The following COA1 variants were observed in gnomAD, a reference collection of about 807,000 sequenced individuals.
COA1 encodes the protein cytochrome c oxidase assembly factor 1 homolog.
In COA1, 13 loss-of-function variants were observed where a neutral mutation model predicts 16.0. That is an observed-to-expected ratio of 0.81 (90% confidence interval 0.53 to 1.29). COA1 has a LOEUF of 1.29. Ranked by LOEUF, COA1 falls within the 50% of genes most tolerant of loss-of-function variation. COA1 has a pLI of 0.00. For missense variants in COA1, 179 were observed against 177.0 expected (o/e 1.01, Z -0.06); for synonymous variants, 65 against 65.7 (o/e 0.99, Z 0.05).
At chr7:43,624,378 A>C in intron 6 of COA1, 1 of 796,778 alleles carries the variant, frequency 1.3e-6, no homozygotes, top group South Asian at 2.2e-5. Context: ...CAAGACTAAT[A>C]GTTTTATTCA....
chr7:43,719,381 C>T (rs1485174367), intron 1 of COA1, among the ~76,000 whole-genome samples: 4 of 152,222 alleles, frequency 2.6e-5, no homozygotes, highest in Admixed American at 6.5e-5. Flanking sequence ...CCACTAATAG[C>T]CTCTAAGCCC....
At chr7:43,684,945 G>A (rs888824774) in intron 1 of COA1, among the ~76,000 whole-genome samples, 3 of 152,046 alleles carry the variant, frequency 2.0e-5, no homozygotes, top group African/African-American at 7.2e-5. Context: ...GAGAGTGAGA[G>A]ATTCTCTACC....
At chr7:43,626,517 CAGA>C (rs977658766) in intron 6 of COA1, 20 of 152,102 alleles carry the variant, frequency 1.3e-4, no homozygotes, top group African/African-American at 4.6e-4. Context: ...CTCCAAAATG[CAGA>C]AGAAGAAATT....
chr7:43,645,264 A>G lies in COA1; in HGVS notation c.251T>C (p.Ile84Thr). 6.2e-7 allele frequency: 1 copy of G among 1,613,938 alleles called. No homozygotes were observed. Among genetic ancestry groups the G allele is most frequent in the Non-Finnish European group, 8.5e-7 (1 of 1,179,922 alleles). ...KLIDRENFVD[I>T]VDAKLKIPVS... ...AAAGCACATTACCTTGGCATCAACA[A>G]TGTCCACGAAGTTTTCCCTGTCGAT... The change falls in exon 4 of 6, where the codon ATT becomes ACT. Residue 84 changes from isoleucine to threonine, a missense_variant. Ile to Thr is a moderately conservative substitution (Grantham distance 89). Coordinates refer to ENST00000223336, the MANE Select transcript of COA1 (RefSeq NM_018224.4).
At chr7:43,728,975 G>C (rs2095680884) in intron 1 of COA1, among the ~76,000 whole-genome samples, 1 of 152,166 alleles carries the variant, frequency 6.6e-6, no homozygotes, top group South Asian at 2.1e-4. Flanking sequence ...CTGTTGGGAG[G>C]GTTTTTCTGT....
At chr7:43,653,108 C>T (rs985733097) in intron 1 of COA1, among the ~76,000 whole-genome samples, 2 of 152,154 alleles carry the variant, frequency 1.3e-5, no homozygotes, top group Admixed American at 1.3e-4. Flanking sequence ...GTCAGGAGAT[C>T]GAGACCATCC....
At chr7:43,620,221 A>G (rs979563839) in intron 6 of COA1, among the ~76,000 whole-genome samples, 2 of 152,190 alleles carry the variant, frequency 1.3e-5, no homozygotes, top group African/African-American at 4.8e-5. Flanking sequence ...CTGAATGATG[A>G]TACTCCATGG....
intron 1 of COA1, 189 bp from the exon 2 acceptor site, chr7:43,648,841 A>C: frequency 1.9e-6 from 1 of 538,560 alleles, no homozygotes; most frequent in Admixed American, 3.2e-5. Context: ...AATTAGGAAG[A>C]AAAAACAAAG....
At position 43,644,771 on chromosome 7, in the gene COA1, C is replaced by T. The variant is rs1191345163; in HGVS notation, c.264+480G>A. Among the ~76,000 whole-genome samples the T allele has an allele frequency of 6.6e-3, 500 of 75,262 alleles. 6 individuals carry two copies. The highest frequency in any genetic ancestry group is 0.021 in the African/African-American group (452 of 21,966). The allele number at this position is 75,262 out of a possible 152,430, so 49.4% of individuals were successfully genotyped here. A position where few individuals can be genotyped will look rare whatever the true frequency, so the allele number is the denominator to read the frequency against. On this transcript the variant is annotated intron_variant, in intron 4 of 5. Coordinates refer to ENST00000223336, the MANE Select transcript of COA1 (RefSeq NM_018224.4). ...ATAGATAGATAGATAGGCAGGCAGG[C>T]AGGCAGGCAGGCAGGCAGGCAGAGA...
At chr7:43,657,081 CAG>C (rs1409273643) in intron 1 of COA1, 2 of 152,010 alleles carry the variant, frequency 1.3e-5, no homozygotes, top group East Asian at 3.8e-4. Context: ...CAGTCAAGAA[CAG>C]AGAATTTGAG....
chr7:43,724,189 T>C (rs998520426), intron 1 of COA1, among the ~76,000 whole-genome samples: 3 of 152,054 alleles, frequency 2.0e-5, no homozygotes, highest in Non-Finnish European at 4.4e-5. Context: ...ATACGGGCAG[T>C]TCCTCAAAAA....
rs1035432527 is a variant in COA1, at chr7:43,712,911, G to A, written c.-39+16518C>T. ...CATTGTCATTACATATATTTGAGGG[G>A]TACAATTTGAGGTTTAAATACATAT... On this transcript the variant is annotated intron_variant, in intron 1 of 5. Coordinates refer to ENST00000223336, the MANE Select transcript of COA1 (RefSeq NM_018224.4). Among the ~76,000 whole-genome samples the A allele has an allele frequency of 2.4e-4, 36 of 151,688 alleles. 1 individual carries two copies. The highest frequency in any genetic ancestry group is 3.4e-3 in the Middle Eastern group (1 of 292).
chr7:43,721,931 T>C (rs1263053104), intron 1 of COA1, among the ~76,000 whole-genome samples: 2 of 152,162 alleles, frequency 1.3e-5, no homozygotes. Context: ...AAGATTCTAA[T>C]GTAATACTGC....
chr7:43,709,434 TTGTG>T (rs59823123), intron 1 of COA1, among the ~76,000 whole-genome samples: 4,513 of 144,930 alleles, frequency 0.031, 119 homozygotes, highest in African/African-American at 0.068. Context: ...CTTTGTTTTA[TTGTG>T]TGTGTGTGTG....
intron 1 of COA1, among the ~76,000 whole-genome samples, chr7:43,725,472 G>A (rs1011643372): frequency 3.3e-5 from 5 of 152,110 alleles, no homozygotes; most frequent in African/African-American, 9.7e-5. Context: ...TGAAATCTTG[G>A]CCATTATATG....
chr7:43,623,570 A>G, intron 6 of COA1: 1 of 1,608,486 alleles, frequency 6.2e-7, no homozygotes, highest in Non-Finnish European at 8.5e-7. Context: ...TTCTGATACT[A>G]GCTCCTGAAA....
intron 5 of COA1, 29 bp from the exon 6 acceptor site, chr7:43,639,710 T>G: frequency 1.9e-6 from 3 of 1,568,178 alleles, no homozygotes; most frequent in Non-Finnish European, 2.6e-6. Flanking sequence ...ATAGTATCTC[T>G]AATCTATGAA....
intron 6 of COA1, chr7:43,624,806 T>C (rs1281985564): frequency 6.2e-7 from 1 of 1,605,720 alleles, no homozygotes; most frequent in African/African-American, 1.3e-5. Flanking sequence ...TTGAGGAACC[T>C]TTGCTACAAG....
At chr7:43,657,062 T>TA (rs1030889884) in intron 1 of COA1, among the ~76,000 whole-genome samples, 32 of 151,742 alleles carry the variant, frequency 2.1e-4, no homozygotes, top group South Asian at 1.5e-3. Flanking sequence ...AAATAAAAAT[T>TA]AAAAAAAACA....
Sources: allele counts gnomAD v4.1 joint callset (sites outside exome capture counted in the v4.1 genomes callset), GRCh38; gene constraint gnomAD v4.1.1; transcripts MANE v1.5; gene names NCBI Gene and HGNC (gene_info 2026-07-23, HGNC 2026-07-21).